DGKI: variants seen among roughly 807,000 people sequenced by gnomAD.
The protein encoded by DGKI is diacylglycerol kinase iota, also known as DAG kinase iota.
In DGKI, 55 loss-of-function variants were observed where a neutral mutation model predicts 147.5. The observed-to-expected ratio is 0.37, with a 90% CI of 0.30 to 0.47. DGKI has a LOEUF of 0.47. DGKI is among the 20% of genes least tolerant of loss of function. The probability of loss-of-function intolerance (pLI) is 1.00; values close to 1 mark genes in which losing one functional copy is unlikely to be tolerated. For missense variants in DGKI, 1,007 were observed against 1,323.8 expected (o/e 0.76, Z 3.71); for synonymous variants, 469 against 477.1 (o/e 0.98, Z 0.22).
intron 1 of DGKI, among the ~76,000 whole-genome samples, chr7:137,711,754 T>C (rs1794222574): frequency 7.1e-6 from 1 of 140,484 alleles, no homozygotes; most frequent in South Asian, 2.5e-4. Flanking sequence ...AGTGCAGTGG[T>C]GCAATCTCGG....
chr7:137,749,976 A>C (rs1795448483), intron 1 of DGKI, among the ~76,000 whole-genome samples: 1 of 152,170 alleles, frequency 6.6e-6, no homozygotes, highest in Admixed American at 6.5e-5. Context: ...AAGTGCAAAG[A>C]CTGAGAAAGT....
intron 7 of DGKI, among the ~76,000 whole-genome samples, chr7:137,621,279 G>T (rs1820738208): frequency 6.6e-6 from 1 of 151,716 alleles, no homozygotes; most frequent in Non-Finnish European, 1.5e-5. Flanking sequence ...TTTTTTCTTG[G>T]CAATTCAAAT....
intron 3 of DGKI, among the ~76,000 whole-genome samples, chr7:137,670,531 G>A (rs190900517): frequency 3.9e-5 from 6 of 152,274 alleles, no homozygotes; most frequent in Non-Finnish European, 8.8e-5. Context: ...GCCACTGAGA[G>A]CACCCCACTC....
intron 1 of DGKI, among the ~76,000 whole-genome samples, chr7:137,717,883 G>T (rs933569156): frequency 6.6e-6 from 1 of 152,154 alleles, no homozygotes; most frequent in Non-Finnish European, 1.5e-5. Context: ...CACATACACA[G>T]CCTCTGATTG....
intron 12 of DGKI, among the ~76,000 whole-genome samples, chr7:137,591,207 C>T (rs1054424773): frequency 5.3e-5 from 8 of 152,152 alleles, no homozygotes; most frequent in Non-Finnish European, 7.3e-5. Context: ...AAAGGTGCTT[C>T]GCCTCTCATC....
intron 10 of DGKI, among the ~76,000 whole-genome samples, chr7:137,603,715 G>C (rs1820075885): frequency 6.6e-6 from 1 of 152,152 alleles, no homozygotes; most frequent in African/African-American, 2.4e-5. Flanking sequence ...AATGTGTCTT[G>C]AAAAATGAGT....
chr7:137,477,512 A>G (rs150865225), intron 23 of DGKI, among the ~76,000 whole-genome samples: 198 of 152,328 alleles, frequency 1.3e-3, no homozygotes, highest in African/African-American at 4.6e-3. Flanking sequence ...ATACCATGGA[A>G]TAGAGTGATA....
intron 27 of DGKI, among the ~76,000 whole-genome samples, chr7:137,446,449 T>C (rs1813718472): frequency 6.6e-6 from 1 of 152,192 alleles, no homozygotes; most frequent in Admixed American, 6.5e-5. Flanking sequence ...TACTGAGACA[T>C]GCACATCATC....
chr7:137,620,581 T>C (rs886415785), intron 7 of DGKI, among the ~76,000 whole-genome samples: 1 of 152,138 alleles, frequency 6.6e-6, no homozygotes, highest in Non-Finnish European at 1.5e-5. Flanking sequence ...TGGGTTTGTC[T>C]GGACTGCTAA....
intron 23 of DGKI, among the ~76,000 whole-genome samples, chr7:137,471,003 C>A (rs1482436940): frequency 6.6e-6 from 1 of 152,194 alleles, no homozygotes; most frequent in Non-Finnish European, 1.5e-5. Context: ...GAAGAGAGAA[C>A]TGGCAGATTG....
rs1814935879 is a variant in DGKI at position 137,472,128 on chromosome 7, T to TAG, written c.2374-2510_2374-2509insCT. Among the ~76,000 whole-genome samples, 3 of 124,104 alleles carry TAG rather than the reference T, an allele frequency of 2.4e-5. No homozygotes were observed. The Admixed American group carries it at 2.8e-4, about 11-fold the overall frequency. The allele number at this position is 124,104 out of a possible 152,430, so 81.4% of individuals were successfully genotyped here. On this transcript the variant is annotated intron_variant, in intron 23 of 32. Coordinates refer to ENST00000614521, the MANE Select transcript of DGKI (RefSeq NM_001321708.2). Reference sequence around the variant, plus strand: ...GTGTATATATACATATAAATATATATACACATATATATGTGTATATACATA... The same window carrying TAG: ...GTGTATATATACATATAAATATATATAGACACATATATATGTGTATATACATA...
At chr7:137,782,594 C>G (rs75127001) in intron 1 of DGKI, among the ~76,000 whole-genome samples, 12,154 of 152,236 alleles carry the variant, frequency 0.08, 547 homozygotes, top group Admixed American at 0.11. Flanking sequence ...TGAATACTAA[C>G]CAGGTATCCC....
At chr7:137,394,285 G>A (rs770082743) in intron 32 of DGKI, among the ~76,000 whole-genome samples, 7 of 152,176 alleles carry the variant, frequency 4.6e-5, no homozygotes, top group Admixed American at 1.3e-4. Flanking sequence ...ATTTGTGTGT[G>A]TGTGTGATTT....
At position 137,548,090 on chromosome 7, in the gene DGKI, G is replaced by A. The variant is rs533309545; in HGVS notation, c.2147+4279C>T. ...CTTGGGATTCTTATATCAATCTAAC[G>A]GGTATATCAGAAGAGACAGATTATG... On this transcript the variant is annotated intron_variant, in intron 20 of 32. Transcript: ENST00000614521. 7.1e-4 allele frequency among the ~76,000 whole-genome samples: 108 copies of A among 152,240 alleles called. 1 individual carries two copies. The highest frequency in any genetic ancestry group is 2.5e-3 in the African/African-American group (105 of 41,534).
intron 2 of DGKI, among the ~76,000 whole-genome samples, 188 bp downstream of exon 2, chr7:137,689,706 A>C (rs1391061948): frequency 6.6e-6 from 1 of 152,202 alleles, no homozygotes; most frequent in African/African-American, 2.4e-5. Context: ...AACACATCTG[A>C]CTTCATATAA....
chr7:137,592,953 T>C lies in DGKI; in HGVS notation c.1311+4894A>G, dbSNP rs6978562. On this transcript the variant is annotated intron_variant, in intron 12 of 32. Coordinates refer to ENST00000614521, the MANE Select transcript of DGKI (RefSeq NM_001321708.2). ...TCAGTGAGAGAGGATGAAATATAACTAGGCTGAGGATGAATGAGGAAAGGG... is the reference window on the plus strand; with the variant it reads ...TCAGTGAGAGAGGATGAAATATAACCAGGCTGAGGATGAATGAGGAAAGGG... Among the ~76,000 whole-genome samples, 459 of 152,274 alleles carry C rather than the reference T, an allele frequency of 3.0e-3. 4 individuals are homozygous for C. Among genetic ancestry groups the C allele is most frequent in the Non-Finnish European group, 5.1e-3 (345 of 68,022 alleles).
In DGKI at chr7:137,846,637, C is replaced by A; in HGVS notation, c.226G>T (p.Ala76Ser). 1 of 1,066,684 alleles carries A rather than the reference C, an allele frequency of 9.4e-7. No homozygotes were observed. Among genetic ancestry groups the A allele is most frequent in the East Asian group, 8.2e-5 (1 of 12,128 alleles). The allele number at this position is 1,066,684 out of a possible 1,614,324, so 66.1% of individuals were successfully genotyped here. The change falls in exon 1 of 33, where the codon GCC (alanine) becomes TCC (serine). Residue 76 changes from alanine (A) to serine (S), a missense_variant. Ala to Ser is a moderately conservative substitution (Grantham distance 99, BLOSUM62 1). Around this residue, in one of 5 missense-constraint regions of DGKI, gnomAD observed 137 missense variants for 114.4 expected, o/e 1.20. Transcript: ENST00000614521. This position sits in a 1 kb window ranked among gnomAD's most constrained non-coding sequence, Gnocchi z 4.0. Reference sequence around the variant, plus strand: ...TCGGCGCCCAGGCAGCAGCTCCCGGCGCCGCTTCCGCTGCTGCTGCTGCCG... The same window carrying A: ...TCGGCGCCCAGGCAGCAGCTCCCGGAGCCGCTTCCGCTGCTGCTGCTGCCG... Reference protein sequence around the residue: ...TGGSSSSGSGAGSCCLGAEGG... With the variant: ...TGGSSSSGSGSGSCCLGAEGG...
At chr7:137,631,583 C>A (rs1821123338) in intron 6 of DGKI, among the ~76,000 whole-genome samples, 1 of 151,950 alleles carries the variant, frequency 6.6e-6, no homozygotes, top group Admixed American at 6.6e-5. Context: ...GGACTGGATC[C>A]TGAGGGTGAA....
chr7:137,393,415 G>A (rs1811437295), intron 32 of DGKI, among the ~76,000 whole-genome samples: 1 of 152,190 alleles, frequency 6.6e-6, no homozygotes, highest in African/African-American at 2.4e-5. Flanking sequence ...AAAATGATCT[G>A]AGTTGAGTGT....
Sources: gnomAD v4.1 joint callset for allele counts (sites outside exome capture counted in the v4.1 genomes callset) on GRCh38, gnomAD v4.1.1 for gene constraint, gnomAD v4.1.1 regional missense constraint, Gnocchi (gnomAD v3.1) non-coding constraint, MANE v1.5 for transcripts, NCBI Gene and HGNC (gene_info 2026-07-23, HGNC 2026-07-21) for gene names.